ST7L: variants seen among roughly 807,000 people sequenced by gnomAD.
ST7L encodes suppression of tumorigenicity 7 like, also known as suppressor of tumorigenicity 7 protein-like.
In ST7L, 57 loss-of-function variants were observed where a neutral mutation model predicts 72.5. The ratio of observed to expected loss-of-function variants is 0.79; its 90% CI spans 0.64 to 0.98. The LOEUF (loss-of-function observed/expected upper bound fraction) is 0.98. Ranked by LOEUF, ST7L falls within the 50% of genes least tolerant of loss-of-function variation. ST7L has a pLI of 0.00. For missense variants in ST7L, 576 were observed against 672.2 expected, an observed-to-expected ratio of 0.86 and a Z score of 1.58; for synonymous variants, 221 against 240.9, an observed-to-expected ratio of 0.92 and a Z score of 0.77.
At chr1:112,582,274 A>G in intron 8 of ST7L, 101 bp downstream of exon 8, 3 of 970,994 alleles carry the variant, frequency 3.1e-6, no homozygotes, top group Non-Finnish European at 4.6e-6. Flanking sequence ...AAAAACTACC[A>G]ATTAAAATAC....
chr1:112,581,462 A>T (rs1664107369), intron 9 of ST7L, among the ~76,000 whole-genome samples: 1 of 149,342 alleles, frequency 6.7e-6, no homozygotes, highest in South Asian at 2.1e-4. Flanking sequence ...ACAGTGGTGC[A>T]GTCACAGCTC....
intron 12 of ST7L, among the ~76,000 whole-genome samples, chr1:112,554,361 T>A (rs1658743833): frequency 1.3e-5 from 2 of 152,172 alleles, no homozygotes; most frequent in South Asian, 4.1e-4. Flanking sequence ...CATGAAAAGA[T>A]GTTCAACATC....
intron 3 of ST7L, among the ~76,000 whole-genome samples, chr1:112,604,395 T>G (rs1287165797): frequency 6.6e-6 from 1 of 152,128 alleles, no homozygotes; most frequent in Non-Finnish European, 1.5e-5. Flanking sequence ...GGCCAAAGTT[T>G]CATCTAAATA....
intron 3 of ST7L, among the ~76,000 whole-genome samples, chr1:112,603,378 T>A (rs575200618): frequency 6.6e-6 from 1 of 152,180 alleles, no homozygotes; most frequent in Non-Finnish European, 1.5e-5. Flanking sequence ...TAACAGAGCA[T>A]GCAAAGTTCA....
chr1:112,591,452 CA>C lies in ST7L; in HGVS notation c.701+72del, dbSNP rs1665707486. 3.0e-5 allele frequency: 39 copies of C among 1,297,438 alleles called. No individual in the cohort carries two copies. In the South Asian group the frequency reaches 4.6e-4, roughly 15 times the overall value. 80.4% of individuals were successfully genotyped at this position (1,297,438 alleles called of 1,614,324 possible). A position where few individuals can be genotyped will look rare whatever the true frequency, so the allele number is the denominator to read the frequency against. ...TGACTCCAAGTGTCTTAGGAACAGA[CA>C]AAGGAGACATAAAAATCATTTGCCT... On this transcript the variant is annotated intron_variant, in intron 6 of 14. Transcript: ENST00000358039.
chr1:112,605,738 C>G (rs1203191434), intron 3 of ST7L, among the ~76,000 whole-genome samples: 1 of 152,044 alleles, frequency 6.6e-6, no homozygotes, highest in Non-Finnish European at 1.5e-5. Context: ...GCTTGATACT[C>G]TGCCCTCCAG....
At chr1:112,587,952 T>C (rs989832302) in intron 6 of ST7L, among the ~76,000 whole-genome samples, 7 of 152,236 alleles carry the variant, frequency 4.6e-5, no homozygotes, top group African/African-American at 1.4e-4. Context: ...GAACATGGGA[T>C]GTCTTTTGAT....
chr1:112,573,528 C>T (rs921294285), intron 11 of ST7L, among the ~76,000 whole-genome samples: 11 of 151,858 alleles, frequency 7.2e-5, no homozygotes, highest in African/African-American at 2.7e-4. Context: ...CAAAAAATTT[C>T]AATAGTTATG....
At chr1:112,602,719 T>C (rs1188737279) in intron 3 of ST7L, among the ~76,000 whole-genome samples, 1 of 147,252 alleles carries the variant, frequency 6.8e-6, no homozygotes, top group African/African-American at 2.5e-5. Flanking sequence ...CTTTCTTTTT[T>C]TTTTTTTTTT....
At chr1:112,553,247 C>CAG (rs1658533993) in intron 12 of ST7L, among the ~76,000 whole-genome samples, 2 of 151,984 alleles carry the variant, frequency 1.3e-5, no homozygotes, top group South Asian at 4.2e-4. Context: ...CACACACACA[C>CAG]ACACACACAC....
Position 112,610,845 on chromosome 1 carries a change from C to A in ST7L, c.447G>T (p.Leu149Phe). 1.9e-6 allele frequency: 3 copies of A among 1,613,598 alleles called. No homozygotes were observed. Among genetic ancestry groups the A allele is most frequent in the South Asian group, 1.1e-5 (1 of 90,982 alleles). ...NRENETSRQN[L>F]SECKVWRNPL... ...ACACATTAGAAAAGTAGTCACCTGA[C>A]AAATTCTGTCTGCTGGTTTCATTTT... Residue 149 changes from leucine to phenylalanine, a missense_variant, in exon 3 of 15, where the codon TTG (leucine) becomes TTT (phenylalanine). Physicochemically the swap from Leu to Phe is conservative, Grantham distance 22. This residue lies in a region of ST7L where 511 missense variants were observed against 600.7 expected (regional missense o/e 0.85). Transcript: ENST00000358039.
chr1:112,617,008 T>C, intron 1 of ST7L, 113 bp from the exon 2 acceptor site: 2 of 657,124 alleles, frequency 3.0e-6, no homozygotes, highest in Non-Finnish European at 2.6e-6. Context: ...TAATATCTAG[T>C]GTGAAATTCA....
At chr1:112,573,910 GTTTTTTTTTTTTT>G in intron 11 of ST7L, among the ~76,000 whole-genome samples, 1 of 91,856 alleles carries the variant, frequency 1.1e-5, no homozygotes, top group Middle Eastern at 6.4e-3. Context: ...TTCTTTTCCT[GTTTTTTTTTTTTT>G]TTTTTTTTTG....
intron 11 of ST7L, among the ~76,000 whole-genome samples, chr1:112,568,330 A>ATTTTTT (rs776031521): frequency 6.8e-5 from 8 of 116,812 alleles, no homozygotes; most frequent in South Asian, 2.6e-4. Flanking sequence ...CTGTAATAAT[A>ATTTTTT]TTTTTTTTTT....
intron 2 of ST7L, among the ~76,000 whole-genome samples, chr1:112,614,062 T>C (rs1669484425): frequency 6.6e-6 from 1 of 152,148 alleles, no homozygotes; most frequent in Admixed American, 6.5e-5. Flanking sequence ...TTAGACATCA[T>C]ATATATAAGT....
chr1:112,578,247 G>C (rs905963409), intron 10 of ST7L, 98 bp downstream of exon 10: 5 of 1,184,112 alleles, frequency 4.2e-6, no homozygotes, highest in African/African-American at 1.5e-5. Flanking sequence ...TCAGAAGGAA[G>C]TAGAGTGGAA....
At chr1:112,619,190 G>A (rs1000511491), upstream of ST7L, 2 of 1,434,662 alleles carry the variant, frequency 1.4e-6, no homozygotes, top group Non-Finnish European at 1.9e-6. Context: ...CTGGGATAGT[G>A]GCGGACCTGA....
chr1:112,545,408 T>G (rs1280909860), intron 13 of ST7L, among the ~76,000 whole-genome samples: 1 of 152,210 alleles, frequency 6.6e-6, no homozygotes, highest in Non-Finnish European at 1.5e-5. Context: ...GAGGGCATTA[T>G]TTTAGGCTAA....
In ST7L at chr1:112,581,647, C is replaced by T. The variant is rs952434981; in HGVS notation, c.1069+345G>A. On this transcript the variant is annotated intron_variant, in intron 9 of 14. Coordinates refer to ENST00000358039, the MANE Select transcript of ST7L (RefSeq NM_017744.5). ...CTCCAACTCCTGGGCTCAAGTGATC[C>T]TCCCACCTCAGTCTCCAAAACAAAA... Among the ~76,000 whole-genome samples, 8 of 152,072 alleles carry T rather than the reference C, an allele frequency of 5.3e-5. No homozygotes were observed. In the East Asian group the frequency reaches 1.3e-3, roughly 26 times the overall value.
Sources: gnomAD v4.1 joint callset for allele counts (sites outside exome capture counted in the v4.1 genomes callset) on GRCh38, gnomAD v4.1.1 for gene constraint, gnomAD v4.1.1 regional missense constraint, MANE v1.5 for transcripts, NCBI Gene and HGNC (gene_info 2026-07-23, HGNC 2026-07-21) for gene names.